Variants in PARP12 observed in about 807,000 individuals in gnomAD.
PARP12 encodes the protein protein mono-ADP-ribosyltransferase PARP12.
In PARP12, 59 loss-of-function variants were observed where a neutral mutation model predicts 72.4. That is an observed-to-expected ratio of 0.81 (90% CI 0.66 to 1.01). PARP12 has a LOEUF of 1.01. PARP12 is among the 50% of genes least tolerant of loss of function. The pLI, the probability that PARP12 is intolerant of heterozygous loss-of-function variation, is 0.00. For synonymous variants in PARP12, 403 were observed against 371.4 expected (o/e 1.09, Z -0.98); for missense variants, 851 against 914.0 (o/e 0.93, Z 0.89).
At chr7:140,027,696 T>A (rs1221607070) in intron 9 of PARP12, 2 of 243,822 alleles carry the variant, frequency 8.2e-6, no homozygotes, top group Non-Finnish European at 1.7e-5. Flanking sequence ...CCACTTTAAG[T>A]CAGTTTCCAA....
rs781664911 is a variant in PARP12, at chr7:140,057,169, GA to G, written c.463-17del. ...GTTGGCAAATCTGTTGACAGAGAGG[GA>G]AAAAACCACCAGTTCAGGAAGGTCT... On this transcript the variant is annotated splice_polypyrimidine_tract_variant and intron_variant, in intron 2 of 11. Coordinates refer to ENST00000263549, the MANE Select transcript of PARP12 (RefSeq NM_022750.4). 6.2e-7 allele frequency: 1 copy of G among 1,600,402 alleles called. No individual in the cohort carries two copies. The highest frequency in any genetic ancestry group is 1.3e-5 in the African/African-American group (1 of 74,176).
At chr7:140,058,228 T>C (rs921185883) in intron 1 of PARP12, among the ~76,000 whole-genome samples, 194 bp from the exon 2 acceptor site, 7 of 152,050 alleles carry the variant, frequency 4.6e-5, no homozygotes, top group African/African-American at 1.7e-4. Context: ...AAGAAGAGAT[T>C]TGGCTAAGCA....
rs187568819 is a variant in PARP12 at position 140,028,470 on chromosome 7, G to T, written c.1497+143C>A. 4 of 650,836 alleles carry T rather than the reference G, an allele frequency of 6.1e-6. No homozygotes were observed. The East Asian group carries it at 1.0e-4, about 17-fold the overall frequency. 40.3% of individuals were successfully genotyped at this position (650,836 alleles called of 1,614,324 possible). A position where few individuals can be genotyped will look rare whatever the true frequency, so the allele number is the denominator to read the frequency against. ...TGCAAAAAACAAAAACAAAAATAAA[G>T]CCCACATCTGTCACTGCCCTCCTGC... On this transcript the variant is annotated intron_variant, in intron 9 of 11. Coordinates refer to ENST00000263549, the MANE Select transcript of PARP12 (RefSeq NM_022750.4).
intron 6 of PARP12, chr7:140,038,130 C>T (rs1816295089): frequency 5.1e-6 from 5 of 985,420 alleles, no homozygotes; most frequent in Non-Finnish European, 6.0e-6. Context: ...GGAGGGCACT[C>T]AAGTCACCTA....
In PARP12 at chr7:140,037,767, T is replaced by C; in HGVS notation, c.1272A>G (p.Ala424=). Residue 424 remains alanine (A), a synonymous_variant, in exon 7 of 12, where the codon GCA becomes GCG. Transcript: ENST00000263549. ...TTCCGGCCTGGAACTTCAAGGTGGC[T>C]GCCTGGCCGTCAGACCCCGGTGTAC... ...AYCTPGSDGQ[A]ATLKFQAGKH... 6.2e-7 allele frequency: 1 copy of C among 1,614,222 alleles called. No homozygotes were observed. The highest frequency in any genetic ancestry group is 1.1e-5 in the South Asian group (1 of 91,090).
In PARP12 at chr7:140,054,125, G is replaced by C. The variant is rs547898368; in HGVS notation, c.862+537C>G. Among the ~76,000 whole-genome samples the C allele has an allele frequency of 7.2e-5, 11 of 152,298 alleles. No individual in the cohort carries two copies. In the East Asian group the frequency reaches 1.9e-3, roughly 27 times the overall value. On this transcript the variant is annotated intron_variant, in intron 4 of 11. Transcript: ENST00000263549. ...CATTTAAGAAGAAAACAAAGGTTTA[G>C]TGAAAATACAGACAGGCACATGCAC...
intron 4 of PARP12, among the ~76,000 whole-genome samples, chr7:140,051,836 A>T (rs955801393): frequency 3.9e-5 from 6 of 152,234 alleles, no homozygotes; most frequent in African/African-American, 1.2e-4. Flanking sequence ...GTGGTGGTGG[A>T]GAAGGACCCT....
rs1206883073 is a variant in PARP12 at position 140,024,546 on chromosome 7, A to G, written c.*14T>C. 6.2e-7 allele frequency: 1 copy of G among 1,613,932 alleles called. No individual in the cohort carries two copies. The highest frequency in any genetic ancestry group is 2.2e-5 in the East Asian group (1 of 44,886). On this transcript the variant is annotated 3_prime_UTR_variant, in exon 12 of 12. Transcript: ENST00000263549. ...AGGCAGAGCAGGTGAAAGGCCTGGA[A>G]CACTCCTGTGCGCTCACTGTCGGCT...
intron 9 of PARP12, 83 bp from the exon 10 acceptor site, chr7:140,027,489 C>T (rs1199223845): frequency 2.6e-6 from 4 of 1,533,602 alleles, no homozygotes; most frequent in Non-Finnish European, 3.6e-6. Flanking sequence ...CTTGTAAACA[C>T]TAGAACCGCA....
intron 6 of PARP12, among the ~76,000 whole-genome samples, chr7:140,041,104 T>C (rs1197007461): frequency 1.3e-5 from 2 of 152,240 alleles, no homozygotes; most frequent in Non-Finnish European, 2.9e-5. Context: ...GGGGACTCCC[T>C]TTAATCTGAC....
At chr7:140,025,723 A>G (rs548340512) in intron 11 of PARP12, 3 of 325,018 alleles carry the variant, frequency 9.2e-6, no homozygotes, top group Non-Finnish European at 1.8e-5. Context: ...TCGATTTCCA[A>G]AGAAATAGTA....
chr7:140,030,546 C>A (rs1412937032), intron 8 of PARP12, among the ~76,000 whole-genome samples: 1 of 152,230 alleles, frequency 6.6e-6, no homozygotes, highest in Non-Finnish European at 1.5e-5. Flanking sequence ...TGCAGTGAGC[C>A]AAGATCATGC....
At chr7:140,048,283 C>T (rs539384674) in intron 4 of PARP12, among the ~76,000 whole-genome samples, 1 of 152,258 alleles carries the variant, frequency 6.6e-6, no homozygotes, top group South Asian at 2.1e-4. Context: ...CTCACCAACC[C>T]CATGTTCCTC....
At chr7:140,028,933 C>T (rs2116518665) in intron 8 of PARP12, 2 of 345,702 alleles carry the variant, frequency 5.8e-6, no homozygotes, top group Middle Eastern at 1.9e-3. Context: ...GTCCCAACTA[C>T]CACACAAAAG....
chr7:140,043,652 C>T (rs953953642), intron 5 of PARP12, among the ~76,000 whole-genome samples: 1 of 152,002 alleles, frequency 6.6e-6, no homozygotes, highest in Non-Finnish European at 1.5e-5. Flanking sequence ...CTCACCCTCC[C>T]GAGGAGTAGC....
intron 4 of PARP12, among the ~76,000 whole-genome samples, chr7:140,052,239 A>T (rs1471289372): frequency 3.3e-5 from 5 of 152,228 alleles, no homozygotes; most frequent in Non-Finnish European, 7.3e-5. Flanking sequence ...TTTAATTTTT[A>T]ATTTTTCTGG....
In PARP12 at chr7:140,025,592, G is replaced by A. The variant is rs1403679701; in HGVS notation, c.1780+605C>T. The A allele has an allele frequency of 6.6e-6, 3 of 456,030 alleles. No individual in the cohort carries two copies. In the East Asian group the frequency reaches 2.1e-4, roughly 32 times the overall value. 28.2% of individuals were successfully genotyped at this position (456,030 alleles called of 1,614,324 possible). On this transcript the variant is annotated intron_variant, in intron 11 of 11. Transcript: ENST00000263549. ...AATATATGCCACCTACCTGAAAATG[G>A]TGCAGAAAGAGAGAGGGAGAGAGAA... is the stretch of plus-strand genomic sequence containing the variant.
intron 8 of PARP12, chr7:140,033,113 G>T: frequency 1.1e-6 from 1 of 882,402 alleles, no homozygotes; most frequent in Non-Finnish European, 1.4e-6. Context: ...GGCTGGTCTC[G>T]AACTCCTGGG....
chr7:140,061,486 A>C (rs537598109), intron 1 of PARP12, among the ~76,000 whole-genome samples: 1 of 152,292 alleles, frequency 6.6e-6, no homozygotes, highest in East Asian at 1.9e-4. Flanking sequence ...AGCAAGCAAG[A>C]AAGGAGGGAG....
Sources: gnomAD v4.1 joint callset for allele counts (sites outside exome capture counted in the v4.1 genomes callset) on GRCh38, gnomAD v4.1.1 for gene constraint, MANE v1.5 for transcripts, NCBI Gene and HGNC (gene_info 2026-07-23, HGNC 2026-07-21) for gene names.